FAM186A: variants seen among roughly 807,000 people sequenced by gnomAD.
FAM186A encodes the protein protein FAM186A.
Under a neutral mutation model 216.8 loss-of-function variants are expected in FAM186A, and 163 were observed. The observed-to-expected ratio is 0.75, with a 90% CI of 0.66 to 0.86. The LOEUF (loss-of-function observed/expected upper bound fraction) is 0.86, where lower values mean the gene tolerates loss of function less well. Ranked by LOEUF, FAM186A falls within the 40% of genes least tolerant of loss-of-function variation. The pLI, the probability that FAM186A is intolerant of heterozygous loss-of-function variation, is 0.00. For synonymous variants in FAM186A, 805 were observed against 1,025.3 expected, an observed-to-expected ratio of 0.79 and a Z score of 4.10; for missense variants, 2,184 against 2,746.2, an observed-to-expected ratio of 0.80 and a Z score of 4.58.
chr12:50,358,044 G>T (rs1942995991), intron 3 of FAM186A, among the ~76,000 whole-genome samples: 1 of 151,850 alleles, frequency 6.6e-6, no homozygotes, highest in Admixed American at 6.6e-5. Context: ...CAATTGCAAT[G>T]GAATCTACAT....
rs781282987 is a variant in FAM186A, at chr12:50,331,781, G to A, written c.6737C>T (p.Pro2246Leu). Residue 2246 changes from proline (P) to leucine (L), a missense_variant, in exon 6 of 8, where the codon CCC becomes CTC. Transcript: ENST00000327337. ...IHELNLSQPI[P>L]LIIEEKQIPA... ...TATCTGCTTTTCTTCGATGATTAAG[G>A]GGATAGGTTGACTAAGATTCAATTC... The A allele has an allele frequency of 1.9e-5, 29 of 1,544,988 alleles. No individual in the cohort carries two copies. Among genetic ancestry groups the A allele is most frequent in the South Asian group, 1.5e-4 (12 of 82,242 alleles).
chr12:50,345,064 C>G (rs796849611), intron 4 of FAM186A, among the ~76,000 whole-genome samples: 5 of 151,998 alleles, frequency 3.3e-5, no homozygotes, highest in African/African-American at 1.2e-4. Context: ...CCAGCCTGAC[C>G]AATATGATGA....
intron 1 of FAM186A, among the ~76,000 whole-genome samples, chr12:50,389,104 GC>G: frequency 6.6e-6 from 1 of 152,202 alleles, no homozygotes; most frequent in South Asian, 2.1e-4. Context: ...GATGGCTCAT[GC>G]CTGTAATCTC....
At position 50,354,078 on chromosome 12, in the gene FAM186A, TG is replaced by T; in HGVS notation, c.2753del (p.Pro918GlnfsTer15). ...CTTCCAGCCGCTGCAGGCTTGACTT[TG>T]GAAGCTCTTCTTCCTCCTGTCCTCT... ...KQRGQEEEEL[P>X]KSSLQRLEEG... is the part of the protein sequence containing the mutation. On this transcript the variant is annotated frameshift_variant, in exon 4 of 8. Coordinates refer to ENST00000327337, the MANE Select transcript of FAM186A (RefSeq NM_001145475.3). LOFTEE classifies it high-confidence loss of function. 1 of 1,551,744 alleles carries T rather than the reference TG, an allele frequency of 6.4e-7. No homozygotes were observed. Among genetic ancestry groups the T allele is most frequent in the Non-Finnish European group, 8.7e-7 (1 of 1,146,994 alleles).
intron 1 of FAM186A, among the ~76,000 whole-genome samples, chr12:50,375,936 G>A (rs1943193602): frequency 6.6e-6 from 1 of 151,982 alleles, no homozygotes; most frequent in Non-Finnish European, 1.5e-5. Context: ...CCAAGGGTGA[G>A]CCAGGCATGG....
chr12:50,364,472 A>T, intron 1 of FAM186A, among the ~76,000 whole-genome samples: 1 of 151,670 alleles, frequency 6.6e-6, no homozygotes, highest in Admixed American at 6.6e-5. Context: ...GCAGGAGAAT[A>T]GCATGAACCC....
At chr12:50,369,863 G>A (rs994490078) in intron 1 of FAM186A, among the ~76,000 whole-genome samples, 4 of 151,830 alleles carry the variant, frequency 2.6e-5, no homozygotes, top group East Asian at 3.9e-4. Flanking sequence ...GGTGGCTCAC[G>A]CCTGTAATCC....
intron 4 of FAM186A, among the ~76,000 whole-genome samples, chr12:50,339,554 A>G (rs1423199250): frequency 7.2e-5 from 11 of 152,140 alleles, no homozygotes. Context: ...CTTCCACATT[A>G]CTGGCATTTT....
At chr12:50,360,644 C>T in intron 3 of FAM186A, 112 bp downstream of exon 3, 1 of 879,824 alleles carries the variant, frequency 1.1e-6, no homozygotes. Flanking sequence ...GAGATCAGGC[C>T]ACTGCACACC....
In FAM186A at chr12:50,352,240, A is replaced by G. The variant is rs1942899785; in HGVS notation, c.4592T>C (p.Leu1531Pro). The G allele has an allele frequency of 2.0e-6, 3 of 1,514,278 alleles. No homozygotes were observed. The highest frequency in any genetic ancestry group is 2.6e-6 in the Non-Finnish European group (3 of 1,133,904). 93.8% of individuals were successfully genotyped at this position (1,514,278 alleles called of 1,614,324 possible). A position where few individuals can be genotyped will look rare whatever the true frequency, so the allele number is the denominator to read the frequency against. Reference protein sequence around the residue: ...PQQAQALGIPLIPPQAQELGI... With the variant: ...PQQAQALGIPPIPPQAQELGI... ...CAATTCCTGAGCCTGCGGAGGGATC[A>G]GAGGGATCCCCAGGGCCTGGGCCTG... The change falls in exon 4 of 8, where the codon CTG (leucine) becomes CCG (proline). Residue 1531 changes from leucine (L) to proline (P), a missense_variant. Leu to Pro is a moderately conservative substitution (Grantham distance 98). Coordinates refer to ENST00000327337, the MANE Select transcript of FAM186A (RefSeq NM_001145475.3).
rs887102812 is a variant in FAM186A, at chr12:50,369,333, CA to C, written c.193-5970del. On this transcript the variant is annotated intron_variant, in intron 1 of 7. Transcript: ENST00000327337. ...TGAAACCCCGTCTCTACTAAAAATACAAAAAAAATTAGCCAGGCATGGTGGT... is the reference window on the plus strand; with the variant it reads ...TGAAACCCCGTCTCTACTAAAAATACAAAAAAATTAGCCAGGCATGGTGGT... Among the ~76,000 whole-genome samples, 3 of 150,756 alleles carry C rather than the reference CA, an allele frequency of 2.0e-5. 1 individual carries two copies. The highest frequency in any genetic ancestry group is 1.3e-4 in the Admixed American group (2 of 15,138).
Position 50,394,732 on chromosome 12 carries a change from C to CTTTTTTTTTTTTTTTTTT in FAM186A, c.192+1543_192+1560dup, listed in dbSNP as rs71083561. 6.1e-3 allele frequency among the ~76,000 whole-genome samples: 179 copies of CTTTTTTTTTTTTTTTTTT among 29,408 alleles called. 31 individuals carry two copies. Among genetic ancestry groups the CTTTTTTTTTTTTTTTTTT allele is most frequent in the Admixed American group, 0.012 (21 of 1,756 alleles). The allele number at this position is 29,408 out of a possible 152,430, so 19.3% of individuals were successfully genotyped here. A position where few individuals can be genotyped will look rare whatever the true frequency, so the allele number is the denominator to read the frequency against. ...TGAGCCACTGTGCCTGGCTAACACT[C>CTTTTTTTTTTTTTTTTTT]TTTTTTTTTTTTTTTTTTTTTTTTT... On this transcript the variant is annotated intron_variant, in intron 1 of 7. Coordinates refer to ENST00000327337, the MANE Select transcript of FAM186A (RefSeq NM_001145475.3).
chr12:50,348,773 G>C (rs778910976), intron 4 of FAM186A, among the ~76,000 whole-genome samples: 7 of 151,962 alleles, frequency 4.6e-5, no homozygotes, highest in African/African-American at 7.3e-5. Flanking sequence ...GGCCAGGCTG[G>C]TCTTGAACTC....
Position 50,350,442 on chromosome 12 carries a change from T to A in FAM186A, c.6390A>T (p.Ser2130=). ...NQAIKTCGLP[S]QLHTMARTLI... is the part of the protein sequence containing the mutation. ...GAGTCCTAGCCATTGTGTGTAGCTGTGAAGGGAGTCCACAAGTTTTTATAG... is the reference window on the plus strand; with the variant it reads ...GAGTCCTAGCCATTGTGTGTAGCTGAGAAGGGAGTCCACAAGTTTTTATAG... Residue 2130 remains serine (S), a synonymous_variant, in exon 4 of 8, where the codon TCA becomes TCT. Transcript: ENST00000327337. 5.2e-6 allele frequency: 8 copies of A among 1,551,620 alleles called. No homozygotes were observed. The highest frequency in any genetic ancestry group is 7.0e-6 in the Non-Finnish European group (8 of 1,146,986).
intron 4 of FAM186A, among the ~76,000 whole-genome samples, chr12:50,342,307 A>T (rs1592601229): frequency 1.3e-5 from 2 of 149,624 alleles, no homozygotes; most frequent in Non-Finnish European, 3.0e-5. Flanking sequence ...CTCTTGTCTT[A>T]AAAAAAACAA....
rs1592619063 is a variant in FAM186A, at chr12:50,363,213, G to A, written c.344C>T (p.Thr115Ile). The change falls in exon 2 of 8, where the codon ACT becomes ATT. Residue 115 changes from threonine (T) to isoleucine (I), a missense_variant. By Grantham distance (89) the Thr-to-Ile change is moderately conservative. Around this residue, in one of 7 missense-constraint regions of FAM186A, gnomAD observed 1,132 missense variants for 1,263.4 expected, o/e 0.90. Coordinates refer to ENST00000327337, the MANE Select transcript of FAM186A (RefSeq NM_001145475.3). ...TCTTATTTCAATAGTCTTAGCGTAA[G>A]TAGCCATTTTCTCAAGAAAATTGGT... ...QRTNFLEKMA[T>I]YAKTIEIREK... is the part of the protein sequence containing the mutation. 1 of 1,551,534 alleles carries A rather than the reference G, an allele frequency of 6.4e-7. No homozygotes were observed. The highest frequency in any genetic ancestry group is 1.4e-5 in the African/African-American group (1 of 73,156).
chr12:50,346,259 A>AAGAAAGAAAGAAAGAAAGAAAGAAAGAG (rs1351669544), intron 4 of FAM186A, among the ~76,000 whole-genome samples: 1 of 150,622 alleles, frequency 6.6e-6, no homozygotes, highest in African/African-American at 2.4e-5. Context: ...GAAAGAAAGA[A>AAGAAAGAAAGAAAGAAAGAAAGAAAGAG]AGAAAGTCAT....
chr12:50,357,304 T>A (rs1942987479), intron 3 of FAM186A, among the ~76,000 whole-genome samples: 1 of 150,716 alleles, frequency 6.6e-6, no homozygotes, highest in Non-Finnish European at 1.5e-5. Context: ...AGGCCAGGAG[T>A]TCGTGACCAG....
intron 4 of FAM186A, among the ~76,000 whole-genome samples, chr12:50,339,608 G>A (rs907832445): frequency 5.3e-5 from 8 of 151,920 alleles, no homozygotes; most frequent in South Asian, 2.1e-4. Flanking sequence ...TATTAAGTAC[G>A]GAATTAAATA....
Sources: allele counts gnomAD v4.1 joint callset (sites outside exome capture counted in the v4.1 genomes callset), GRCh38; gene constraint gnomAD v4.1.1; regional missense constraint gnomAD v4.1.1; transcripts MANE v1.5; gene names NCBI Gene and HGNC (gene_info 2026-07-23, HGNC 2026-07-21).